DYNC1LI2: variants seen among roughly 807,000 people sequenced by gnomAD.
The protein encoded by DYNC1LI2 is dynein cytoplasmic 1 light intermediate chain 2.
In DYNC1LI2, 19 loss-of-function variants were observed where a neutral mutation model predicts 57.8. The ratio of observed to expected loss-of-function variants is 0.33; its 90% CI spans 0.23 to 0.48. The LOEUF is 0.48. DYNC1LI2 is among the 20% of genes least tolerant of loss of function. DYNC1LI2 has a pLI of 0.99. For synonymous variants in DYNC1LI2, 256 were observed against 233.4 expected, an observed-to-expected ratio of 1.10 and a Z score of -0.88; for missense variants, 470 against 604.2, an observed-to-expected ratio of 0.78 and a Z score of 2.33.
intron 4 of DYNC1LI2, among the ~76,000 whole-genome samples, chr16:66,737,796 G>A (rs549346627): frequency 2.6e-5 from 4 of 152,194 alleles, no homozygotes; most frequent in African/African-American, 4.8e-5. Context: ...ACAATGGTCC[G>A]AGCCTCAGTT....
chr16:66,749,602 A>G (rs1191181583), intron 2 of DYNC1LI2, among the ~76,000 whole-genome samples: 2 of 152,218 alleles, frequency 1.3e-5, no homozygotes, highest in Non-Finnish European at 2.9e-5. Context: ...TCTATAATTT[A>G]TAAGACATGC....
chr16:66,725,980 A>G (rs755508824), intron 11 of DYNC1LI2, 36 bp from the exon 12 acceptor site: 4 of 1,596,984 alleles, frequency 2.5e-6, no homozygotes, highest in Non-Finnish European at 3.4e-6. Flanking sequence ...AGCATCATAT[A>G]AACTGGAAGA....
At chr16:66,731,219 T>G (rs16956898) in intron 7 of DYNC1LI2, 1,994 of 152,378 alleles carry the variant, frequency 0.013, 44 homozygotes, top group South Asian at 0.094. Flanking sequence ...ACCGGTCTCC[T>G]TGCTCCTAGG....
chr16:66,748,866 G>GC (rs1311510415), intron 3 of DYNC1LI2, among the ~76,000 whole-genome samples: 3 of 152,226 alleles, frequency 2.0e-5, no homozygotes, highest in African/African-American at 7.2e-5. Context: ...CCCCAGGACA[G>GC]CCAAGCATTT....
intron 9 of DYNC1LI2, 120 bp from the exon 10 acceptor site, chr16:66,728,362 T>C: frequency 1.7e-6 from 2 of 1,160,812 alleles, no homozygotes; most frequent in Non-Finnish European, 2.5e-6. Context: ...CTAAGTCCTA[T>C]GTTTTATACC....
In DYNC1LI2 at chr16:66,735,111, C is replaced by CT. The variant is rs1451255786; in HGVS notation, c.700-801dup. ...ACTGAACTTTGTTTGTTTTTTTTTT[C>CT]TTTTTTTTTTGAGACATAGTCTCAC... On this transcript the variant is annotated intron_variant, in intron 5 of 12. Coordinates refer to ENST00000258198, the MANE Select transcript of DYNC1LI2 (RefSeq NM_006141.3). Among the ~76,000 whole-genome samples, 359 of 56,338 alleles carry CT rather than the reference C, an allele frequency of 6.4e-3. 1 individual carries two copies. The highest frequency in any genetic ancestry group is 0.015 in the African/African-American group (212 of 14,374). The allele number at this position is 56,338 out of a possible 152,430, so 37.0% of individuals were successfully genotyped here.
chr16:66,735,748 C>T (rs563889419), intron 5 of DYNC1LI2, among the ~76,000 whole-genome samples: 1 of 152,092 alleles, frequency 6.6e-6, no homozygotes, highest in South Asian at 2.1e-4. Flanking sequence ...CCTCATGATC[C>T]GCCCACCTCA....
At chr16:66,740,306 G>A (rs2144995738) in intron 4 of DYNC1LI2, among the ~76,000 whole-genome samples, 1 of 152,254 alleles carries the variant, frequency 6.6e-6, no homozygotes, top group African/African-American at 2.4e-5. Context: ...AAACCAGGTT[G>A]AATAACAGCC....
chr16:66,732,452 T>C lies in DYNC1LI2; in HGVS notation c.816A>G (p.Thr272=), dbSNP rs775799964. ...CLQYGAALIY[T]SVKEEKNLDL... is the part of the protein sequence containing the mutation. ...CGAGGTTTTTCTCTTCTTTCACTGATGTGTAAATCAAGGCAGCTCCATCTA... is the reference window on the plus strand; with the variant it reads ...CGAGGTTTTTCTCTTCTTTCACTGACGTGTAAATCAAGGCAGCTCCATCTA... Residue 272 remains threonine (T), a synonymous_variant, in exon 7 of 13, where the codon ACA becomes ACG. Transcript: ENST00000258198. The C allele has an allele frequency of 1.2e-5, 19 of 1,612,846 alleles. No homozygotes were observed. The East Asian group carries it at 4.2e-4, about 36-fold the overall frequency.
At chr16:66,747,569 A>T (rs2017959814) in intron 3 of DYNC1LI2, among the ~76,000 whole-genome samples, 1 of 141,298 alleles carries the variant, frequency 7.1e-6, no homozygotes, top group South Asian at 2.3e-4. Flanking sequence ...AAAGAAAGTA[A>T]TTTTTTTTTT....
intron 3 of DYNC1LI2, among the ~76,000 whole-genome samples, chr16:66,744,852 G>C (rs2017907330): frequency 6.6e-6 from 1 of 151,140 alleles, no homozygotes; most frequent in Non-Finnish European, 1.5e-5. Context: ...GAATCACCAT[G>C]CCCGGCCAAA....
At chr16:66,749,894 C>T (rs937712641) in intron 2 of DYNC1LI2, among the ~76,000 whole-genome samples, 6 of 152,148 alleles carry the variant, frequency 3.9e-5, no homozygotes, top group Non-Finnish European at 8.8e-5. Flanking sequence ...AATTATTAAG[C>T]ACTTCTTCAT....
chr16:66,723,674 A>G lies in DYNC1LI2; in HGVS notation c.*48T>C, dbSNP rs776365836. On this transcript the variant is annotated 3_prime_UTR_variant, in exon 13 of 13. Transcript: ENST00000258198. ...GAAAAATCCTGGTCTTAGCAGATCA[A>G]TATACATAGTTATTTGGTCATTCGA... 3.2e-6 allele frequency: 5 copies of G among 1,553,476 alleles called. No homozygotes were observed. In the Admixed American group the frequency reaches 5.7e-5, roughly 18 times the overall value.
intron 11 of DYNC1LI2, 96 bp from the exon 12 acceptor site, chr16:66,726,040 T>A: frequency 7.9e-7 from 1 of 1,271,684 alleles, no homozygotes. Context: ...CACTTGTGGC[T>A]ATCAGCTTCC....
chr16:66,728,041 G>A, intron 10 of DYNC1LI2, 160 bp downstream of exon 10: 1 of 1,033,706 alleles, frequency 9.7e-7, no homozygotes, highest in Non-Finnish European at 1.4e-6. Flanking sequence ...GAAACTTCTT[G>A]AGTTTCTTTT....
At chr16:66,724,066 C>T (rs575726590) in intron 12 of DYNC1LI2, among the ~76,000 whole-genome samples, 27 of 152,146 alleles carry the variant, frequency 1.8e-4, no homozygotes, top group African/African-American at 5.1e-4. Flanking sequence ...TGCTCTCTGG[C>T]GGGGGGTGCC....
chr16:66,747,082 AT>A (rs10671755), intron 3 of DYNC1LI2, among the ~76,000 whole-genome samples: 212 of 142,698 alleles, frequency 1.5e-3, no homozygotes, highest in Non-Finnish European at 1.3e-3. Flanking sequence ...TGCCCTCAAC[AT>A]TTTTTTTTTT....
chr16:66,746,694 C>T (rs2017941743), intron 3 of DYNC1LI2, among the ~76,000 whole-genome samples: 1 of 152,222 alleles, frequency 6.6e-6, no homozygotes, highest in Admixed American at 6.5e-5. Context: ...TCATGTTTTA[C>T]ACTTTCAAAA....
rs575472464 is a variant in DYNC1LI2, at chr16:66,737,526, T to C, written c.530-1282A>G. 2.7e-5 allele frequency among the ~76,000 whole-genome samples: 4 copies of C among 146,800 alleles called. No individual in the cohort carries two copies. The East Asian group carries it at 5.9e-4, about 22-fold the overall frequency. On this transcript the variant is annotated intron_variant, in intron 4 of 12. Coordinates refer to ENST00000258198, the MANE Select transcript of DYNC1LI2 (RefSeq NM_006141.3). ...AAAAAAAAAATGCTTAATGAAACAA[T>C]TGAATTTTATAAGAACATGCTGTTT... is the stretch of plus-strand genomic sequence containing the variant.
Sources: allele counts gnomAD v4.1 joint callset (sites outside exome capture counted in the v4.1 genomes callset), GRCh38; gene constraint gnomAD v4.1.1; transcripts MANE v1.5; gene names NCBI Gene and HGNC (gene_info 2026-07-23, HGNC 2026-07-21).